CNTNAP2: variants seen among roughly 807,000 people sequenced by gnomAD.
CNTNAP2 encodes contactin-associated protein-like 2.
A neutral mutation model predicts 155.2 loss-of-function variants in CNTNAP2; 98 were observed. The observed-to-expected ratio is 0.63, with a 90% CI of 0.54 to 0.75. CNTNAP2 has a LOEUF of 0.75. Among genes scored for constraint, CNTNAP2 ranks in the 30% least tolerant of loss-of-function variants. The probability of loss-of-function intolerance (pLI) is 0.00; values close to 1 mark genes in which losing one functional copy is unlikely to be tolerated. For missense variants in CNTNAP2, 1,727 were observed against 1,688.1 expected (o/e 1.02, Z -0.40); for synonymous variants, 651 against 631.2 (o/e 1.03, Z -0.47).
At chr7:146,539,185 T>A (rs1797914457) in intron 1 of CNTNAP2, among the ~76,000 whole-genome samples, 1 of 152,058 alleles carries the variant, frequency 6.6e-6, no homozygotes, top group Admixed American at 6.6e-5. Flanking sequence ...AACGTATATA[T>A]CCCTTGTGTA....
At chr7:146,745,153 C>T (rs1033259663) in intron 1 of CNTNAP2, among the ~76,000 whole-genome samples, 1 of 152,122 alleles carries the variant, frequency 6.6e-6, no homozygotes, top group Non-Finnish European at 1.5e-5. Context: ...ACAACCACCA[C>T]CAATCCATTA....
intron 1 of CNTNAP2, among the ~76,000 whole-genome samples, chr7:146,638,605 C>T (rs1234525190): frequency 6.6e-6 from 1 of 150,562 alleles, no homozygotes; most frequent in Non-Finnish European, 1.5e-5. Context: ...CTGCCTCAGC[C>T]TCCCGAGTAG....
At chr7:146,426,495 A>G (rs1031623817) in intron 1 of CNTNAP2, among the ~76,000 whole-genome samples, 2 of 151,192 alleles carry the variant, frequency 1.3e-5, no homozygotes, top group African/African-American at 4.8e-5. Context: ...ATATACACAT[A>G]TATATCTACT....
chr7:146,673,338 G>A (rs927362445), intron 1 of CNTNAP2, among the ~76,000 whole-genome samples: 5 of 152,014 alleles, frequency 3.3e-5, no homozygotes, highest in Admixed American at 3.3e-4. Flanking sequence ...CTCATAATAT[G>A]TCATACATAA....
intron 1 of CNTNAP2, among the ~76,000 whole-genome samples, chr7:146,388,245 A>G (rs1043452017): frequency 6.6e-5 from 10 of 151,914 alleles, no homozygotes; most frequent in African/African-American, 2.4e-4. Flanking sequence ...AGCCTGGGCA[A>G]CATGGCAAAA....
intron 3 of CNTNAP2, among the ~76,000 whole-genome samples, chr7:146,906,520 A>G (rs1013302861): frequency 3.3e-5 from 5 of 152,056 alleles, no homozygotes; most frequent in Non-Finnish European, 7.4e-5. Context: ...CCTAACTGGG[A>G]GGCACCCCCC....
chr7:148,404,244 T>C (rs1344822756), intron 22 of CNTNAP2, among the ~76,000 whole-genome samples: 1 of 152,280 alleles, frequency 6.6e-6, no homozygotes, highest in Non-Finnish European at 1.5e-5. Context: ...AAGATTGGTC[T>C]CTGACTTGAA....
rs116727008 is a variant in CNTNAP2, at chr7:146,569,573, A to G, written c.98-204698A>G. 7.3e-3 allele frequency among the ~76,000 whole-genome samples: 1,111 copies of G among 152,280 alleles called. 11 individuals carry two copies. The highest frequency in any genetic ancestry group is 0.025 in the African/African-American group (1,058 of 41,558). ...CTCTGATTATTAGCTCAGCACCTCT[A>G]TGGTATTATAGTTCTTTTTGAAAAA... On this transcript the variant is annotated intron_variant, in intron 1 of 23. Transcript: ENST00000361727.
At chr7:146,599,498 C>T (rs1399274058) in intron 1 of CNTNAP2, among the ~76,000 whole-genome samples, 1 of 152,000 alleles carries the variant, frequency 6.6e-6, no homozygotes, top group Non-Finnish European at 1.5e-5. Context: ...ACTTTCCTTC[C>T]TCCTTTTATG....
At chr7:146,622,283 A>C (rs374942) in intron 1 of CNTNAP2, among the ~76,000 whole-genome samples, 2,120 of 106,800 alleles carry the variant, frequency 0.02, 52 homozygotes, top group African/African-American at 0.061. Flanking sequence ...ATCTATCTAT[A>C]TATATATATG....
intron 1 of CNTNAP2, among the ~76,000 whole-genome samples, chr7:146,129,181 C>A (rs1315899292): frequency 6.6e-6 from 1 of 151,950 alleles, no homozygotes; most frequent in Non-Finnish European, 1.5e-5. Context: ...ATATAATCAC[C>A]CACGTATCAA....
chr7:147,409,100 G>A (rs1797058553), intron 10 of CNTNAP2, among the ~76,000 whole-genome samples: 1 of 152,172 alleles, frequency 6.6e-6, no homozygotes, highest in Non-Finnish European at 1.5e-5. Context: ...TGTCTTAACT[G>A]ACTATTTGTT....
intron 1 of CNTNAP2, among the ~76,000 whole-genome samples, chr7:146,352,533 A>T (rs2129099003): frequency 1.3e-5 from 2 of 152,190 alleles, no homozygotes; most frequent in African/African-American, 4.8e-5. Context: ...ATATACAACC[A>T]GCCTGAATAA....
At chr7:148,384,012 A>G in intron 22 of CNTNAP2, 124 bp downstream of exon 22, 1 of 1,377,348 alleles carries the variant, frequency 7.3e-7, no homozygotes, top group Admixed American at 2.0e-5. Context: ...AAGAAAGGGC[A>G]AAGGAACGTT....
intron 11 of CNTNAP2, among the ~76,000 whole-genome samples, chr7:147,561,596 A>C (rs1222361220): frequency 6.6e-6 from 1 of 151,844 alleles, no homozygotes; most frequent in East Asian, 1.9e-4. Flanking sequence ...AAATGAATCA[A>C]GGAAATCTCT....
intron 8 of CNTNAP2, among the ~76,000 whole-genome samples, chr7:147,164,067 G>A (rs866277332): frequency 6.6e-6 from 1 of 152,198 alleles, no homozygotes; most frequent in Non-Finnish European, 1.5e-5. Flanking sequence ...CTGTTCCACA[G>A]ATAAATGGAA....
intron 15 of CNTNAP2, among the ~76,000 whole-genome samples, chr7:148,076,357 CG>C (rs1803484361): frequency 6.7e-6 from 1 of 149,258 alleles, no homozygotes; most frequent in Non-Finnish European, 1.5e-5. Context: ...AGAATGATCT[CG>C]CCCAAAATGT....
At chr7:147,592,205 G>A (rs1800747602) in intron 12 of CNTNAP2, among the ~76,000 whole-genome samples, 1 of 152,062 alleles carries the variant, frequency 6.6e-6, no homozygotes, top group Non-Finnish European at 1.5e-5. Context: ...TGTTACATGA[G>A]TGAATGAATA....
chr7:147,334,502 A>G (rs1040153411), intron 9 of CNTNAP2, among the ~76,000 whole-genome samples: 1 of 152,208 alleles, frequency 6.6e-6, no homozygotes, highest in Non-Finnish European at 1.5e-5. Context: ...AATGCATTCC[A>G]TAGAAGATAG....
Sources: allele counts gnomAD v4.1 joint callset (sites outside exome capture counted in the v4.1 genomes callset), GRCh38; gene constraint gnomAD v4.1.1; transcripts MANE v1.5; gene names NCBI Gene and HGNC (gene_info 2026-07-23, HGNC 2026-07-21).